NDUFA5: variants seen among roughly 807,000 people sequenced by gnomAD.
NDUFA5 encodes the protein NADH:ubiquinone oxidoreductase subunit A5, also known as NADH dehydrogenase [ubiquinone] 1 alpha subcomplex subunit 5.
A neutral mutation model predicts 19.8 loss-of-function variants in NDUFA5; 11 were observed. That is an observed-to-expected ratio of 0.56 (90% CI 0.35 to 0.92). The LOEUF is 0.92. Among genes scored for constraint, NDUFA5 ranks in the 40% least tolerant of loss-of-function variants. NDUFA5 has a pLI of 0.01. For synonymous variants in NDUFA5, 47 were observed against 46.8 expected, an observed-to-expected ratio of 1.00 and a Z score of -0.01; for missense variants, 109 against 134.2, an observed-to-expected ratio of 0.81 and a Z score of 0.93.
At chr7:123,559,580 G>A (rs534655274), upstream of NDUFA5, among the ~76,000 whole-genome samples, 9 of 152,188 alleles carry the variant, frequency 5.9e-5, no homozygotes, top group South Asian at 1.5e-3. Context: ...ACTTCGGCTG[G>A]GCCTGGTGGC....
the NDUFA5 span, among the ~76,000 whole-genome samples, chr7:123,593,412 G>A: frequency 1.3e-5 from 2 of 152,104 alleles, no homozygotes; most frequent in African/African-American, 2.4e-5. Context: ...GCTGGTACCC[G>A]TTGTTCCTTT....
chr7:123,580,895 T>TTCGGTTAAGTCC, the NDUFA5 span, among the ~76,000 whole-genome samples: 1 of 151,978 alleles, frequency 6.6e-6, no homozygotes, highest in Admixed American at 6.6e-5. Context: ...TCAGAGACCG[T>TTCGGTTAAGTCC]TCGGTTAAGT....
At position 123,545,604 on chromosome 7, in the gene NDUFA5, T is replaced by C. The variant is rs745898439; in HGVS notation, c.249+7A>G. The C allele has an allele frequency of 3.1e-6, 5 of 1,609,670 alleles. No homozygotes were observed. Among genetic ancestry groups the C allele is most frequent in the Non-Finnish European group, 4.2e-6 (5 of 1,177,274 alleles). On this transcript the variant is annotated splice_region_variant and intron_variant, in intron 4 of 4. Transcript: ENST00000355749. ...CCAAACACCTAAATAGTCAACTTTTTCTTTACCTGAAGAATCACCTCTTCT... is the reference window on the plus strand; with the variant it reads ...CCAAACACCTAAATAGTCAACTTTTCCTTTACCTGAAGAATCACCTCTTCT...
the NDUFA5 span, among the ~76,000 whole-genome samples, chr7:123,596,776 A>C: frequency 1.3e-5 from 2 of 152,248 alleles, no homozygotes; most frequent in East Asian, 1.9e-4. Flanking sequence ...ATTACGCATT[A>C]GCAACTTCAA....
chr7:123,593,791 C>T, the NDUFA5 span, among the ~76,000 whole-genome samples: 2 of 152,110 alleles, frequency 1.3e-5, no homozygotes, highest in Admixed American at 6.5e-5. Context: ...AGCTTTGTGG[C>T]GTTCTCTGTA....
In NDUFA5 at chr7:123,545,533, T is replaced by C. The variant is rs1798097648; in HGVS notation, c.249+78A>G. On this transcript the variant is annotated intron_variant, in intron 4 of 4. Transcript: ENST00000355749. The stretch of plus-strand genomic sequence containing the variant: ...ACGAGTTGATATAAACAAGGAAATT[T>C]AGTTTTCCTTTCATTCTAGAACGTC... 9 of 1,138,438 alleles carry C rather than the reference T, an allele frequency of 7.9e-6. No individual in the cohort carries two copies. In the Admixed American group the frequency reaches 9.7e-5, roughly 12 times the overall value. 70.5% of individuals were successfully genotyped at this position (1,138,438 alleles called of 1,614,324 possible).
In NDUFA5 at chr7:123,540,890, G is replaced by GCGCGCGCGCGCGCA. The variant is rs766305834; in HGVS notation, c.*1228_*1229insTGCGCGCGCGCGCG. ...TCTGAGCAAATGTGCGCATGCGCGT[G>GCGCGCGCGCGCGCA]CACACACACACACACACACACACAC... On this transcript the variant is annotated 3_prime_UTR_variant, in exon 5 of 5. Coordinates refer to ENST00000355749, the MANE Select transcript of NDUFA5 (RefSeq NM_005000.5). 3.1e-4 allele frequency: 42 copies of GCGCGCGCGCGCGCA among 133,904 alleles called. No individual in the cohort carries two copies. The highest frequency in any genetic ancestry group is 1.1e-3 in the African/African-American group (37 of 33,890). The allele number at this position is 133,904 out of a possible 1,614,324, so 8.3% of individuals were successfully genotyped here. A position where few individuals can be genotyped will look rare whatever the true frequency, so the allele number is the denominator to read the frequency against.
intron 2 of NDUFA5, chr7:123,556,825 G>T: frequency 2.0e-6 from 1 of 503,386 alleles, no homozygotes. Flanking sequence ...CTTGAAAAAC[G>T]CCAAGGGTGA....
At chr7:123,550,326 G>A (rs543685182) in intron 3 of NDUFA5, 144 bp downstream of exon 3, 33 of 615,976 alleles carry the variant, frequency 5.4e-5, no homozygotes, top group South Asian at 4.6e-4. Context: ...ACAAGAGTTT[G>A]CTGAATAAAA....
At chr7:123,593,520 T>C in the NDUFA5 span, among the ~76,000 whole-genome samples, 2 of 152,194 alleles carry the variant, frequency 1.3e-5, no homozygotes, top group Non-Finnish European at 2.9e-5. Flanking sequence ...TATTTCTCCT[T>C]CACTTACAAA....
the NDUFA5 span, among the ~76,000 whole-genome samples, chr7:123,572,188 CTGGAGT>C: frequency 3.6e-5 from 4 of 112,362 alleles, no homozygotes; most frequent in African/African-American, 1.4e-4. Flanking sequence ...TGTCACTAGG[CTGGAGT>C]GCAGTGACGC....
the NDUFA5 span, among the ~76,000 whole-genome samples, chr7:123,563,576 CA>C: frequency 6.6e-6 from 1 of 152,104 alleles, no homozygotes; most frequent in Admixed American, 6.5e-5. Context: ...CAAGAGTTAC[CA>C]AAACGTGACA....
Position 123,550,481 on chromosome 7 carries a change from T to A in NDUFA5, c.172A>T (p.Met58Leu). The A allele has an allele frequency of 6.2e-7, 1 of 1,602,328 alleles. No homozygotes were observed. Among genetic ancestry groups the A allele is most frequent in the South Asian group, 1.1e-5 (1 of 90,312 alleles). The change falls in exon 3 of 5, where the codon ATG becomes TTG. Residue 58 changes from methionine (M) to leucine (L), a missense_variant. Physicochemically the swap from Met to Leu is conservative, Grantham distance 15. Transcript: ENST00000355749. The stretch of plus-strand genomic sequence containing the variant: ...ACTTAGCTACTTACCGCTTTAACCA[T>A]AGCCAGCTTCTCATTTGTAATCTGT... ...TEQITNEKLA[M>L]VKAEPDVKKL... is the part of the protein sequence containing the mutation.
At chr7:123,558,400 A>G (rs573706620), upstream of NDUFA5, 1 of 152,564 alleles carries the variant, frequency 6.6e-6, no homozygotes, top group African/African-American at 2.4e-5. Flanking sequence ...ACTTTTTCCT[A>G]CCTCCACAAA....
chr7:123,554,964 G>A (rs1191059242), intron 2 of NDUFA5: 2 of 152,280 alleles, frequency 1.3e-5, no homozygotes, highest in African/African-American at 2.4e-5. Flanking sequence ...TTACAGGCGT[G>A]AGCCAGCACG....
At chr7:123,557,865 G>T, upstream of NDUFA5, 1 of 1,612,970 alleles carries the variant, frequency 6.2e-7, no homozygotes. Flanking sequence ...ATCGACCACC[G>T]AGGTCGCCAC....
the NDUFA5 span, among the ~76,000 whole-genome samples, chr7:123,597,408 T>G: frequency 1.3e-5 from 2 of 152,226 alleles, no homozygotes; most frequent in Non-Finnish European, 2.9e-5. Context: ...GTATTGTTGT[T>G]AATTGCTTAC....
At chr7:123,556,819 A>C (rs2116205067) in intron 2 of NDUFA5, 1 of 497,298 alleles carries the variant, frequency 2.0e-6, no homozygotes, top group East Asian at 5.5e-5. Context: ...GGTGAACTTG[A>C]AAAACGCCAA....
At chr7:123,590,717 C>A in the NDUFA5 span, among the ~76,000 whole-genome samples, 1 of 151,942 alleles carries the variant, frequency 6.6e-6, no homozygotes, top group African/African-American at 2.4e-5. Flanking sequence ...TAGTATAGTT[C>A]GATGTCAGGT....
Sources: gnomAD v4.1 joint callset for allele counts (sites outside exome capture counted in the v4.1 genomes callset) on GRCh38, gnomAD v4.1.1 for gene constraint, MANE v1.5 for transcripts, NCBI Gene and HGNC (gene_info 2026-07-23, HGNC 2026-07-21) for gene names.